TAF12: variants seen among roughly 807,000 people sequenced by gnomAD.
TAF12 encodes the protein transcription initiation factor TFIID subunit 12.
In TAF12, 3 loss-of-function variants were observed where a neutral mutation model predicts 20.8. The ratio of observed to expected loss-of-function variants is 0.14; its 90% CI spans 0.07 to 0.37. TAF12 has a LOEUF of 0.37. Among genes scored for constraint, TAF12 ranks in the 10% least tolerant of loss-of-function variants. The pLI is 1.00. For synonymous variants in TAF12, 69 were observed against 70.2 expected, an observed-to-expected ratio of 0.98 and a Z score of 0.09; for missense variants, 131 against 197.9, an observed-to-expected ratio of 0.66 and a Z score of 2.03.
chr1:28,603,435 TCTC>T lies in TAF12; in HGVS notation c.*101_*103del, dbSNP rs1666568973. The T allele has an allele frequency of 1.7e-6, 2 of 1,201,804 alleles. No individual in the cohort carries two copies. Among genetic ancestry groups the T allele is most frequent in the Non-Finnish European group, 2.4e-6 (2 of 819,730 alleles). The allele number at this position is 1,201,804 out of a possible 1,614,324, so 74.4% of individuals were successfully genotyped here. ...GCACTGTTAATAAAAAATATATGCT[TCTC>T]TGTAAAGCATTAAAAAAAAAAATCC... On this transcript the variant is annotated 3_prime_UTR_variant, in exon 6 of 6. Transcript: ENST00000373824.
At chr1:28,622,804 T>C (rs1005679449) in intron 1 of TAF12, among the ~76,000 whole-genome samples, 2 of 151,972 alleles carry the variant, frequency 1.3e-5, no homozygotes, top group Non-Finnish European at 2.9e-5. Flanking sequence ...GTAGATCACC[T>C]GAGGTCAGGA....
upstream of TAF12, chr1:28,643,216 C>T (rs149024737): frequency 1.2e-4 from 78 of 626,116 alleles, no homozygotes; most frequent in African/African-American, 1.4e-3. Flanking sequence ...TGTGTAGGTA[C>T]ACCCTGCAGC....
intron 2 of TAF12, among the ~76,000 whole-genome samples, chr1:28,619,959 AAG>A (rs1182291595): frequency 3.3e-5 from 5 of 151,824 alleles, no homozygotes; most frequent in African/African-American, 9.6e-5. Context: ...AAAAAAAAAA[AAG>A]AGAGAGAGAC....
At position 28,628,801 on chromosome 1, in the gene TAF12, G is replaced by A. The variant is rs142604933; in HGVS notation, c.-84-6636C>T. 2.8e-3 allele frequency among the ~76,000 whole-genome samples: 425 copies of A among 152,314 alleles called. 1 individual carries two copies. The highest frequency in any genetic ancestry group is 9.9e-3 in the African/African-American group (410 of 41,594). ...TTGAAACACATGTATTGCCGGATGCGGTGGTTCATGCCTACAATCCCGGCA... is the reference window on the plus strand; with the variant it reads ...TTGAAACACATGTATTGCCGGATGCAGTGGTTCATGCCTACAATCCCGGCA... On this transcript the variant is annotated intron_variant, in intron 1 of 5. Coordinates refer to ENST00000373824, the MANE Select transcript of TAF12 (RefSeq NM_005644.4).
chr1:28,622,062 G>A lies in TAF12; in HGVS notation c.20C>T (p.Ser7Leu). 1 of 1,613,416 alleles carries A rather than the reference G, an allele frequency of 6.2e-7. No homozygotes were observed. Among genetic ancestry groups the A allele is most frequent in the South Asian group, 1.1e-5 (1 of 90,980 alleles). ...GAAATTGGAGAGGTTGATTAGGGCT[G>A]AGGGGCCAAACTGGTTCATAATCTG... MNQFGP[S>L]ALINLSNFSS... The change falls in exon 2 of 6, where the codon TCA (serine) becomes TTA (leucine). Residue 7 changes from serine to leucine, a missense_variant. Coordinates refer to ENST00000373824, the MANE Select transcript of TAF12 (RefSeq NM_005644.4).
chr1:28,636,673 C>A (rs1041293582), intron 1 of TAF12, among the ~76,000 whole-genome samples: 1 of 151,490 alleles, frequency 6.6e-6, no homozygotes, highest in Non-Finnish European at 1.5e-5. Context: ...TGGTGGCATG[C>A]AGCTGTGGTC....
At chr1:28,614,224 G>A (rs1398906003) in intron 3 of TAF12, among the ~76,000 whole-genome samples, 1 of 151,240 alleles carries the variant, frequency 6.6e-6, no homozygotes, top group Non-Finnish European at 1.5e-5. Context: ...GCGACAGAGC[G>A]AGACTCTGTC....
Position 28,603,432 on chromosome 1 carries a change from G to C in TAF12, c.*107C>G, listed in dbSNP as rs926735306. ...GCTGCACTGTTAATAAAAAATATAT[G>C]CTTCTCTGTAAAGCATTAAAAAAAA... On this transcript the variant is annotated 3_prime_UTR_variant, in exon 6 of 6. Transcript: ENST00000373824. 14 of 1,157,448 alleles carry C rather than the reference G, an allele frequency of 1.2e-5. 1 individual carries two copies. In the East Asian group the frequency reaches 1.6e-4, roughly 14 times the overall value. 71.7% of individuals were successfully genotyped at this position (1,157,448 alleles called of 1,614,324 possible).
Position 28,635,680 on chromosome 1 carries a change from T to C in TAF12, c.-85+7312A>G, listed in dbSNP as rs954320229. 3.9e-5 allele frequency among the ~76,000 whole-genome samples: 6 copies of C among 152,070 alleles called. No homozygotes were observed. The East Asian group carries it at 9.7e-4, about 25-fold the overall frequency. The stretch of plus-strand genomic sequence containing the variant: ...TAATTGCTTCCCTTTAACAACCTTG[T>C]ACTTCAAACAGAAGTCTAGCTGCAA... On this transcript the variant is annotated intron_variant, in intron 1 of 5. Transcript: ENST00000373824.
intron 4 of TAF12, among the ~76,000 whole-genome samples, chr1:28,606,844 A>AT (rs1185074767): frequency 6.6e-6 from 1 of 152,114 alleles, no homozygotes; most frequent in East Asian, 1.9e-4. Context: ...CAGTTTCTTC[A>AT]TTTTTTATGT....
At chr1:28,618,122 G>T in intron 2 of TAF12, 92 bp from the exon 3 acceptor site, 1 of 1,271,652 alleles carries the variant, frequency 7.9e-7, no homozygotes, top group Non-Finnish European at 1.1e-6. Flanking sequence ...TCAAATTGTT[G>T]GTTTTAGTTT....
intron 3 of TAF12, among the ~76,000 whole-genome samples, chr1:28,616,682 G>A (rs1025108915): frequency 4.0e-5 from 6 of 151,462 alleles, no homozygotes; most frequent in Admixed American, 6.6e-5. Context: ...GTTGCGGTAA[G>A]CTGAGATCCT....
Position 28,614,688 on chromosome 1 carries a change from A to G in TAF12, c.247-1327T>C, listed in dbSNP as rs533417466. On this transcript the variant is annotated intron_variant, in intron 3 of 5. Transcript: ENST00000373824. ...ACAGGGCGAGACAAAAAAAAAAAAA[A>G]GCAAGCAAGCAGAGGAACCAGGATG... 3.0e-3 allele frequency among the ~76,000 whole-genome samples: 444 copies of G among 150,254 alleles called. 2 individuals are homozygous for G. Among genetic ancestry groups the G allele is most frequent in the African/African-American group, 0.011 (432 of 40,856 alleles).
Position 28,616,558 on chromosome 1 carries a change from C to G in TAF12, c.246+1395G>C, listed in dbSNP as rs566594799. 1.5e-4 allele frequency among the ~76,000 whole-genome samples: 22 copies of G among 151,536 alleles called. No individual in the cohort carries two copies. The South Asian group carries it at 4.4e-3, about 30-fold the overall frequency. ...GACCAGCCTGGCCAACATGGCAAAA[C>G]CCCATCTCTACTAAAAAATACAAAA... On this transcript the variant is annotated intron_variant, in intron 3 of 5. Transcript: ENST00000373824.
chr1:28,623,399 T>C (rs1667284032), intron 1 of TAF12, among the ~76,000 whole-genome samples: 3 of 151,966 alleles, frequency 2.0e-5, no homozygotes, highest in Non-Finnish European at 2.9e-5. Flanking sequence ...CACACGCCTG[T>C]AATCCCAGCT....
At chr1:28,636,706 C>T (rs1241862597) in intron 1 of TAF12, among the ~76,000 whole-genome samples, 4 of 151,080 alleles carry the variant, frequency 2.6e-5, no homozygotes, top group South Asian at 4.2e-4. Context: ...GAGGTTAAGG[C>T]GGGAGGATCA....
At chr1:28,622,894 A>G (rs1006698229) in intron 1 of TAF12, among the ~76,000 whole-genome samples, 1 of 152,010 alleles carries the variant, frequency 6.6e-6, no homozygotes, top group Non-Finnish European at 1.5e-5. Context: ...GTAGTGGCAC[A>G]TGCCTATAAT....
At chr1:28,637,710 CCTGT>C (rs1192315287) in intron 1 of TAF12, among the ~76,000 whole-genome samples, 2 of 152,096 alleles carry the variant, frequency 1.3e-5, no homozygotes, top group Middle Eastern at 3.4e-3. Context: ...CTTTACCCTC[CCTGT>C]CTGACTTAAA....
intron 1 of TAF12, among the ~76,000 whole-genome samples, chr1:28,642,246 T>G (rs1668059545): frequency 6.6e-6 from 1 of 152,200 alleles, no homozygotes; most frequent in Non-Finnish European, 1.5e-5. Flanking sequence ...AAGTAGGCAG[T>G]GCGAAGGAGA....
Sources: gnomAD v4.1 joint callset for allele counts (sites outside exome capture counted in the v4.1 genomes callset) on GRCh38, gnomAD v4.1.1 for gene constraint, MANE v1.5 for transcripts, NCBI Gene and HGNC (gene_info 2026-07-23, HGNC 2026-07-21) for gene names.